Variants in EBF3 observed in about 807,000 individuals in gnomAD.
The protein encoded by EBF3 is transcription factor COE3.
EBF3 carries 18 observed loss-of-function variants against 77.1 expected under a neutral mutation model. The observed-to-expected ratio is 0.23, with a 90% CI of 0.16 to 0.35. EBF3 has a LOEUF of 0.35. Among genes scored for constraint, EBF3 ranks in the 10% least tolerant of loss-of-function variants. The pLI is 1.00. For missense variants in EBF3, 558 were observed against 860.0 expected, an observed-to-expected ratio of 0.65 and a Z score of 4.39; for synonymous variants, 350 against 343.5, an observed-to-expected ratio of 1.02 and a Z score of -0.21.
chr10:129,843,381 A>G, intron 11 of EBF3, 179 bp from the exon 12 acceptor site: 1 of 575,668 alleles, frequency 1.7e-6, no homozygotes, highest in East Asian at 2.9e-5. Flanking sequence ...TGCTGACAAC[A>G]CTGTTTGTGG....
chr10:129,868,062 T>A (rs1852155068), intron 8 of EBF3, 150 bp from the exon 9 acceptor site: 6 of 1,067,126 alleles, frequency 5.6e-6, no homozygotes, highest in South Asian at 1.6e-5. Context: ...TAGATCAGCA[T>A]GTTGATGTGT....
intron 11 of EBF3, among the ~76,000 whole-genome samples, chr10:129,847,527 G>A (rs1377993260): frequency 6.6e-6 from 1 of 152,210 alleles, no homozygotes; most frequent in Non-Finnish European, 1.5e-5. Context: ...CATCGCCTAT[G>A]TTCATGCTGA....
intron 6 of EBF3, among the ~76,000 whole-genome samples, chr10:129,902,617 C>A (rs566215815): frequency 5.3e-5 from 8 of 152,314 alleles, no homozygotes; most frequent in African/African-American, 1.9e-4. Context: ...CTTCTCTCTG[C>A]CACTGTCAGG....
intron 6 of EBF3, among the ~76,000 whole-genome samples, chr10:129,898,212 A>G (rs2134230732): frequency 6.6e-6 from 1 of 152,366 alleles, no homozygotes; most frequent in South Asian, 2.1e-4. Flanking sequence ...CTGAAGAGCA[A>G]AGTCATAATT....
At chr10:129,840,120 TG>T in intron 15 of EBF3, 124 bp downstream of exon 15, 1 of 1,268,686 alleles carries the variant, frequency 7.9e-7, no homozygotes, top group Non-Finnish European at 1.1e-6. Context: ...CGCATCAAGG[TG>T]GGCCACGGGA....
chr10:129,835,338 A>G lies in EBF3; in HGVS notation c.*2605T>C, dbSNP rs555837386. On this transcript the variant is annotated 3_prime_UTR_variant, in exon 17 of 17. Coordinates refer to ENST00000440978, the MANE Select transcript of EBF3 (RefSeq NM_001375380.1). The stretch of plus-strand genomic sequence containing the variant: ...AATATTGTGTAAAATGAACATTTTT[A>G]TACAGTTAAATATCTGAAAAAATGT... 5.1e-4 allele frequency: 78 copies of G among 152,740 alleles called. No homozygotes were observed. Among genetic ancestry groups the G allele is most frequent in the African/African-American group, 1.8e-3 (75 of 41,600 alleles). The allele number at this position is 152,740 out of a possible 1,614,324, so 9.5% of individuals were successfully genotyped here. A position where few individuals can be genotyped will look rare whatever the true frequency, so the allele number is the denominator to read the frequency against.
chr10:129,899,528 C>G (rs1325170311), intron 6 of EBF3, among the ~76,000 whole-genome samples: 2 of 152,178 alleles, frequency 1.3e-5, no homozygotes, highest in Non-Finnish European at 2.9e-5. Context: ...ATAAATACAG[C>G]CTTCCCGACT....
At position 129,848,020 on chromosome 10, in the gene EBF3, G is replaced by A. The variant is rs958721479; in HGVS notation, c.1128+372C>T. On this transcript the variant is annotated intron_variant, in intron 11 of 16. Transcript: ENST00000440978. This position sits in a 1 kb window ranked among gnomAD's most constrained non-coding sequence, Gnocchi z 4.4. ...CAGATCAGACTGGGGCTGCTTAGAT[G>A]GAAATCAGAGCAGGCCACTGGAGTG... 6.6e-6 allele frequency among the ~76,000 whole-genome samples: 1 copy of A among 152,212 alleles called. No homozygotes were observed. The highest frequency in any genetic ancestry group is 2.4e-5 in the African/African-American group (1 of 41,468).
At chr10:129,840,670 C>T (rs1294099987) in intron 14 of EBF3, among the ~76,000 whole-genome samples, 174 bp downstream of exon 14, 1 of 152,168 alleles carries the variant, frequency 6.6e-6, no homozygotes, top group Non-Finnish European at 1.5e-5. Flanking sequence ...CCAATGAGAT[C>T]ACATCGGGCC....
In EBF3 at chr10:129,837,844, C is replaced by CCAT. The variant is rs1849704258; in HGVS notation, c.*96_*98dup. 6.7e-7 allele frequency: 1 copy of CCAT among 1,503,504 alleles called. No individual in the cohort carries two copies. The highest frequency in any genetic ancestry group is 1.4e-5 in the African/African-American group (1 of 72,620). 93.1% of individuals were successfully genotyped at this position (1,503,504 alleles called of 1,614,324 possible). A position where few individuals can be genotyped will look rare whatever the true frequency, so the allele number is the denominator to read the frequency against. ...GCTGATTTTTTTGAAGATACTGTTTCCATCAGCATGTCTTAATATACTAAA... is the reference window on the plus strand; with the variant it reads ...GCTGATTTTTTTGAAGATACTGTTTCCATCATCAGCATGTCTTAATATACTAAA... On this transcript the variant is annotated 3_prime_UTR_variant, in exon 17 of 17. Coordinates refer to ENST00000440978, the MANE Select transcript of EBF3 (RefSeq NM_001375380.1).
intron 15 of EBF3, among the ~76,000 whole-genome samples, 175 bp downstream of exon 15, chr10:129,840,070 G>A (rs998925268): frequency 2.0e-5 from 3 of 152,266 alleles, no homozygotes; most frequent in African/African-American, 7.2e-5. Flanking sequence ...GGGGCTCAGT[G>A]CACAGGGGTC....
At chr10:129,845,526 A>G (rs1224208426) in intron 11 of EBF3, 1 of 152,212 alleles carries the variant, frequency 6.6e-6, no homozygotes, top group Non-Finnish European at 1.5e-5. Context: ...CTAGAATGGT[A>G]TATATCATCA....
At chr10:129,930,486 C>T (rs1856935575) in intron 6 of EBF3, among the ~76,000 whole-genome samples, 1 of 146,408 alleles carries the variant, frequency 6.8e-6, no homozygotes, top group South Asian at 2.2e-4. Flanking sequence ...AACAAATCCC[C>T]CTCTCATATA....
intron 6 of EBF3, among the ~76,000 whole-genome samples, chr10:129,940,825 G>A (rs538534552): frequency 5.9e-5 from 9 of 152,256 alleles, no homozygotes; most frequent in Admixed American, 3.3e-4. Context: ...AGAGGGCACC[G>A]CCCACCCCGG....
intron 11 of EBF3, among the ~76,000 whole-genome samples, chr10:129,843,918 G>T (rs996305598): frequency 6.6e-6 from 1 of 152,220 alleles, no homozygotes; most frequent in Non-Finnish European, 1.5e-5. Context: ...ACGTCTGCAC[G>T]CCTACCTCCA....
At chr10:129,849,244 C>T (rs930501528) in intron 10 of EBF3, among the ~76,000 whole-genome samples, 6 of 152,224 alleles carry the variant, frequency 3.9e-5, no homozygotes, top group African/African-American at 1.4e-4. Flanking sequence ...CTCTGCCTGA[C>T]TCCAACAAAA....
At chr10:129,844,289 G>A (rs960958568) in intron 11 of EBF3, among the ~76,000 whole-genome samples, 8 of 152,042 alleles carry the variant, frequency 5.3e-5, no homozygotes, top group Non-Finnish European at 1.2e-4. Context: ...TTGTTAACCT[G>A]AGACCCCAAA....
At chr10:129,933,618 C>T (rs72837179) in intron 6 of EBF3, among the ~76,000 whole-genome samples, 5 of 152,224 alleles carry the variant, frequency 3.3e-5, no homozygotes, top group African/African-American at 9.6e-5. Flanking sequence ...CCTCTGCAGG[C>T]GGGTGCCCGT....
intron 6 of EBF3, among the ~76,000 whole-genome samples, 160 bp from the exon 7 acceptor site, chr10:129,878,009 G>A (rs1002886298): frequency 2.0e-5 from 3 of 152,224 alleles, no homozygotes; most frequent in African/African-American, 7.2e-5. Flanking sequence ...TGGGAGAGGC[G>A]GCGAGGAGGC....
Sources: gnomAD v4.1 joint callset for allele counts (sites outside exome capture counted in the v4.1 genomes callset) on GRCh38, gnomAD v4.1.1 for gene constraint, Gnocchi (gnomAD v3.1) non-coding constraint, MANE v1.5 for transcripts, NCBI Gene and HGNC (gene_info 2026-07-23, HGNC 2026-07-21) for gene names.